PRR5L: variants seen among roughly 807,000 people sequenced by gnomAD.
PRR5L encodes proline rich 5 like.
PRR5L carries 21 observed loss-of-function variants against 36.4 expected under a neutral mutation model. That is an observed-to-expected ratio of 0.58 (90% confidence interval 0.41 to 0.83). PRR5L has a LOEUF of 0.83. PRR5L is among the 40% of genes least tolerant of loss of function. The pLI is 0.00. For missense variants in PRR5L, 381 were observed against 473.3 expected (o/e 0.80, Z 1.81); for synonymous variants, 188 against 197.0 (o/e 0.95, Z 0.38).
rs143626680 is a variant in PRR5L, at chr11:36,460,676, G to A, written c.713-1666G>A. Among the ~76,000 whole-genome samples, 861 of 152,282 alleles carry A rather than the reference G, an allele frequency of 5.7e-3. 5 individuals carry two copies. The highest frequency in any genetic ancestry group is 0.01 in the Middle Eastern group (3 of 294). ...CCTGGCTTTCCTCGCTGCTGGCCTC[G>A]CTGGCTCCAGCCCATTCTGCCACAC... On this transcript the variant is annotated intron_variant, in intron 8 of 8. Coordinates refer to ENST00000530639, the MANE Select transcript of PRR5L (RefSeq NM_001160167.2).
chr11:36,321,990 TG>T lies in PRR5L; in HGVS notation c.-126+25553del, dbSNP rs370031632. Among the ~76,000 whole-genome samples, 72 of 152,328 alleles carry T rather than the reference TG, an allele frequency of 4.7e-4. 1 individual carries two copies. In the East Asian group the frequency reaches 0.011, roughly 22 times the overall value. On this transcript the variant is annotated intron_variant, in intron 1 of 8. Coordinates refer to ENST00000530639, the MANE Select transcript of PRR5L (RefSeq NM_001160167.2). ...ATCTTAATTACTTTTTCAAAGCCTCTGTCTCCAAATATGGTCATCTCTGAGG... is the reference window on the plus strand; with the variant it reads ...ATCTTAATTACTTTTTCAAAGCCTCTTCTCCAAATATGGTCATCTCTGAGG...
At chr11:36,300,683 A>T (rs1395048645) in intron 1 of PRR5L, among the ~76,000 whole-genome samples, 1 of 152,182 alleles carries the variant, frequency 6.6e-6, no homozygotes, top group Non-Finnish European at 1.5e-5. Flanking sequence ...TTAGATTTTT[A>T]ATTATTTTCT....
At chr11:36,406,071 G>T (rs1249387177) in intron 3 of PRR5L, among the ~76,000 whole-genome samples, 1 of 151,662 alleles carries the variant, frequency 6.6e-6, no homozygotes, top group Non-Finnish European at 1.5e-5. Context: ...GAGGTCTTAT[G>T]TTGGGAGAAG....
chr11:36,357,553 C>T (rs886938669), intron 1 of PRR5L, among the ~76,000 whole-genome samples: 2 of 152,176 alleles, frequency 1.3e-5, no homozygotes, highest in African/African-American at 2.4e-5. Flanking sequence ...AGTCAGTCCT[C>T]ATTTACCTTT....
intron 1 of PRR5L, among the ~76,000 whole-genome samples, chr11:36,301,713 T>C (rs1856379200): frequency 6.6e-6 from 1 of 152,150 alleles, no homozygotes; most frequent in African/African-American, 2.4e-5. Context: ...TACAGAGCCC[T>C]TGGGCCAATG....
intron 1 of PRR5L, among the ~76,000 whole-genome samples, chr11:36,350,934 ATATT>A (rs1252873970): frequency 4.6e-4 from 15 of 32,900 alleles, no homozygotes; most frequent in East Asian, 1.4e-3. Context: ...ATATATTTAT[ATATT>A]TATATATATA....
intron 7 of PRR5L, among the ~76,000 whole-genome samples, chr11:36,447,780 C>T (rs909022894): frequency 3.9e-5 from 6 of 152,016 alleles, no homozygotes; most frequent in African/African-American, 1.2e-4. Flanking sequence ...GAAGAGTTGC[C>T]TAATAGGATG....
chr11:36,437,326 C>G (rs1858624987), intron 5 of PRR5L, 59 bp from the exon 6 acceptor site: 2 of 1,137,506 alleles, frequency 1.8e-6, no homozygotes, highest in Non-Finnish European at 2.7e-6. Flanking sequence ...GCCTCTCCTA[C>G]AAGTAATGAC....
At chr11:36,420,974 T>G (rs147260962) in intron 4 of PRR5L, among the ~76,000 whole-genome samples, 146 of 152,254 alleles carry the variant, frequency 9.6e-4, no homozygotes, top group African/African-American at 3.2e-3. Context: ...CAGCTCCTGT[T>G]CAGGGAGAGA....
intron 4 of PRR5L, among the ~76,000 whole-genome samples, chr11:36,422,472 C>T (rs1206752851): frequency 6.6e-6 from 1 of 152,210 alleles, no homozygotes; most frequent in African/African-American, 2.4e-5. Context: ...CTCTGCATTG[C>T]AGAGGCTCAG....
chr11:36,314,269 C>T (rs1856532528), intron 1 of PRR5L, among the ~76,000 whole-genome samples: 1 of 152,126 alleles, frequency 6.6e-6, no homozygotes, highest in African/African-American at 2.4e-5. Context: ...GATGGGAGGA[C>T]AGCTGGTCCC....
chr11:36,324,610 AAT>A (rs1856642479), intron 1 of PRR5L, among the ~76,000 whole-genome samples: 1 of 152,208 alleles, frequency 6.6e-6, no homozygotes, highest in Non-Finnish European at 1.5e-5. Context: ...AAATTCAAAA[AAT>A]AGTCATTGCC....
At chr11:36,421,505 C>G (rs1466877028) in intron 4 of PRR5L, among the ~76,000 whole-genome samples, 1 of 152,146 alleles carries the variant, frequency 6.6e-6, no homozygotes, top group African/African-American at 2.4e-5. Flanking sequence ...AGGTGCTGAT[C>G]TGGAAAGAAG....
Position 36,385,699 on chromosome 11 carries a change from A to G in PRR5L, c.-125-15298A>G, listed in dbSNP as rs112788218. On this transcript the variant is annotated intron_variant, in intron 1 of 8. Transcript: ENST00000530639. Reference sequence around the variant, plus strand: ...GACCCTTAACATTTTCTTGTCTGTGAGAGTCAGTGTTCATTCTTTGGCCGG... The same window carrying G: ...GACCCTTAACATTTTCTTGTCTGTGGGAGTCAGTGTTCATTCTTTGGCCGG... 1.7e-3 allele frequency among the ~76,000 whole-genome samples: 261 copies of G among 152,284 alleles called. 3 individuals carry two copies. The highest frequency in any genetic ancestry group is 6.1e-3 in the African/African-American group (253 of 41,560).
intron 1 of PRR5L, among the ~76,000 whole-genome samples, chr11:36,311,693 C>T (rs1008303103): frequency 1.3e-5 from 2 of 152,126 alleles, no homozygotes; most frequent in African/African-American, 2.4e-5. Context: ...TCTTTTCACA[C>T]AGGGGCTTTT....
At chr11:36,439,912 G>A (rs1858685569) in intron 6 of PRR5L, among the ~76,000 whole-genome samples, 1 of 152,040 alleles carries the variant, frequency 6.6e-6, no homozygotes, top group African/African-American at 2.4e-5. Context: ...AGACAGGCTT[G>A]GTTTTGTTAT....
intron 1 of PRR5L, chr11:36,381,628 A>G (rs1565430640): frequency 6.6e-6 from 1 of 152,008 alleles, no homozygotes; most frequent in Non-Finnish European, 1.5e-5. Context: ...CTGGCTCAAT[A>G]TCATTCCCCA....
rs112839460 is a variant in PRR5L, at chr11:36,458,053, G to A, written c.713-4289G>A. ...GAACATTATAGAAATGTGTAACTTG[G>A]AGAGTACGAGCATCCATGCTTCAGA... On this transcript the variant is annotated intron_variant, in intron 8 of 8. Coordinates refer to ENST00000530639, the MANE Select transcript of PRR5L (RefSeq NM_001160167.2). Among the ~76,000 whole-genome samples, 1,301 of 152,354 alleles carry A rather than the reference G, an allele frequency of 8.5e-3. 18 individuals are homozygous for A. The highest frequency in any genetic ancestry group is 0.03 in the African/African-American group (1,239 of 41,576).
chr11:36,302,168 A>T, intron 1 of PRR5L, among the ~76,000 whole-genome samples: 1 of 152,342 alleles, frequency 6.6e-6, no homozygotes, highest in Middle Eastern at 3.4e-3. Flanking sequence ...TACCACAGGA[A>T]CACAATGAAT....
Sources: gnomAD v4.1 joint callset for allele counts (sites outside exome capture counted in the v4.1 genomes callset) on GRCh38, gnomAD v4.1.1 for gene constraint, MANE v1.5 for transcripts, NCBI Gene and HGNC (gene_info 2026-07-23, HGNC 2026-07-21) for gene names.